PAX3: variants seen among roughly 807,000 people sequenced by gnomAD.
PAX3 encodes paired box protein Pax-3.
A neutral mutation model predicts 51.6 loss-of-function variants in PAX3; 14 were observed. The ratio of observed to expected loss-of-function variants is 0.27; its 90% confidence interval spans 0.18 to 0.42. PAX3 has a LOEUF of 0.42. PAX3 is among the 10% of genes least tolerant of loss of function. The pLI is 1.00. For synonymous variants in PAX3, 280 were observed against 253.4 expected (o/e 1.11, Z -1.00); for missense variants, 540 against 642.8 (o/e 0.84, Z 1.73).
intron 4 of PAX3, among the ~76,000 whole-genome samples, chr2:222,260,565 G>GTTTTTTTTTTTGTTTTTTTTTTTTTTT (rs1693810480): frequency 1.8e-5 from 1 of 55,850 alleles, no homozygotes; most frequent in Non-Finnish European, 3.6e-5. Flanking sequence ...TTTTTTTTTT[G>GTTTTTTTTTTTGTTTTTTTTTTTTTTT]TTTTTTTTTT....
At chr2:222,227,963 A>C (rs1217475973) in intron 5 of PAX3, among the ~76,000 whole-genome samples, 1 of 152,204 alleles carries the variant, frequency 6.6e-6, no homozygotes, top group African/African-American at 2.4e-5. Flanking sequence ...AAATGTAGAC[A>C]TGATTTGGGG....
At chr2:222,270,921 A>T (rs914516987) in intron 4 of PAX3, among the ~76,000 whole-genome samples, 5 of 152,356 alleles carry the variant, frequency 3.3e-5, no homozygotes, top group South Asian at 2.1e-4. Flanking sequence ...CCACAGGAAG[A>T]TCCACTTAAT....
chr2:222,238,353 T>C (rs893559175), intron 4 of PAX3, among the ~76,000 whole-genome samples: 1 of 152,240 alleles, frequency 6.6e-6, no homozygotes, highest in Admixed American at 6.5e-5. Flanking sequence ...CATGAAATCT[T>C]GCCTCAATTT....
chr2:222,249,603 A>G (rs1029447227), intron 4 of PAX3, among the ~76,000 whole-genome samples: 2 of 152,206 alleles, frequency 1.3e-5, no homozygotes, highest in East Asian at 1.9e-4. Context: ...CCACTTTAAG[A>G]ACACAAAACT....
At chr2:222,227,729 T>TA (rs34964275) in intron 5 of PAX3, among the ~76,000 whole-genome samples, 1,479 of 144,996 alleles carry the variant, frequency 0.01, 20 homozygotes, top group African/African-American at 0.031. Context: ...TCATCTTTTT[T>TA]AAAAAAAAAA....
intron 7 of PAX3, among the ~76,000 whole-genome samples, chr2:222,210,440 T>G (rs1337363697): frequency 6.6e-6 from 1 of 152,164 alleles, no homozygotes; most frequent in Non-Finnish European, 1.5e-5. Flanking sequence ...TCTATTGTTA[T>G]AGAAGATGGA....
intron 4 of PAX3, among the ~76,000 whole-genome samples, chr2:222,247,447 G>C (rs1693271452): frequency 6.6e-6 from 1 of 152,092 alleles, no homozygotes; most frequent in Non-Finnish European, 1.5e-5. Flanking sequence ...GCTTAGCATA[G>C]AATTTTAAAA....
At chr2:222,253,398 A>G (rs938575642) in intron 4 of PAX3, among the ~76,000 whole-genome samples, 2 of 152,230 alleles carry the variant, frequency 1.3e-5, no homozygotes, top group African/African-American at 2.4e-5. Flanking sequence ...CTCAAACCCT[A>G]AAGACATTTT....
chr2:222,204,676 T>A (rs779568669), intron 7 of PAX3, among the ~76,000 whole-genome samples: 7 of 152,158 alleles, frequency 4.6e-5, no homozygotes, highest in African/African-American at 7.2e-5. Context: ...TTACCATGAA[T>A]AAGTTGTGTT....
intron 4 of PAX3, among the ~76,000 whole-genome samples, chr2:222,245,058 G>A (rs1276781865): frequency 6.6e-6 from 1 of 152,150 alleles, no homozygotes; most frequent in Non-Finnish European, 1.5e-5. Flanking sequence ...TGAGGCACGA[G>A]AATCACTTGA....
chr2:222,234,625 G>A (rs74646364), intron 4 of PAX3, among the ~76,000 whole-genome samples: 1 of 152,110 alleles, frequency 6.6e-6, no homozygotes, highest in South Asian at 2.1e-4. Context: ...TCTGAGGTGG[G>A]CTCCAAGAGT....
chr2:222,276,583 G>A (rs968913288), intron 4 of PAX3, among the ~76,000 whole-genome samples: 1 of 152,222 alleles, frequency 6.6e-6, no homozygotes, highest in Non-Finnish European at 1.5e-5. Context: ...AGCTGGGAGA[G>A]ACCGTGGCCT....
At chr2:222,206,897 T>C (rs1162798995) in intron 7 of PAX3, among the ~76,000 whole-genome samples, 2 of 152,254 alleles carry the variant, frequency 1.3e-5, no homozygotes, top group African/African-American at 2.4e-5. Flanking sequence ...CGCTTCTTTT[T>C]TCTTTAGTAG....
chr2:222,254,079 C>T (rs1259081500), intron 4 of PAX3, among the ~76,000 whole-genome samples: 1 of 152,080 alleles, frequency 6.6e-6, no homozygotes, highest in Non-Finnish European at 1.5e-5. Context: ...CAGAACAGAG[C>T]TCACAGTACA....
intron 4 of PAX3, among the ~76,000 whole-genome samples, chr2:222,265,563 G>A (rs1694016775): frequency 6.6e-6 from 1 of 151,950 alleles, no homozygotes. Flanking sequence ...TGAGGCAGGA[G>A]AACAGCGTGA....
intron 4 of PAX3, among the ~76,000 whole-genome samples, chr2:222,251,753 A>C (rs1250252218): frequency 6.6e-6 from 1 of 152,156 alleles, no homozygotes; most frequent in Admixed American, 6.5e-5. Flanking sequence ...CTATTTCTCC[A>C]CATCCTCTCC....
intron 4 of PAX3, among the ~76,000 whole-genome samples, chr2:222,243,863 TGG>T (rs1693111136): frequency 6.6e-6 from 1 of 152,212 alleles, no homozygotes; most frequent in Non-Finnish European, 1.5e-5. Context: ...ACTCTTTTCC[TGG>T]AGGCAACAGA....
intron 4 of PAX3, among the ~76,000 whole-genome samples, chr2:222,286,972 C>T (rs1694854147): frequency 6.6e-6 from 1 of 152,214 alleles, no homozygotes; most frequent in African/African-American, 2.4e-5. Context: ...GATAACTGTG[C>T]ATATTCCAAC....
intron 4 of PAX3, among the ~76,000 whole-genome samples, chr2:222,290,574 TC>T (rs1304863593): frequency 6.6e-6 from 1 of 152,104 alleles, no homozygotes; most frequent in Non-Finnish European, 1.5e-5. Flanking sequence ...CTGGCCTCTC[TC>T]CCCCTGCGCT....
Sources: allele counts gnomAD v4.1 joint callset (sites outside exome capture counted in the v4.1 genomes callset), GRCh38; gene constraint gnomAD v4.1.1; transcripts MANE v1.5; gene names NCBI Gene and HGNC (gene_info 2026-07-23, HGNC 2026-07-21).